Variants in SCNN1B observed in about 807,000 individuals in gnomAD.
The protein encoded by SCNN1B is sodium channel epithelial 1 subunit beta.
A neutral mutation model predicts 65.3 loss-of-function variants in SCNN1B; 46 were observed. The ratio of observed to expected loss-of-function variants is 0.70; its 90% CI spans 0.56 to 0.90. The LOEUF (loss-of-function observed/expected upper bound fraction) is 0.90, where lower values mean the gene tolerates loss of function less well. Ranked by LOEUF, SCNN1B falls within the 40% of genes least tolerant of loss-of-function variation. The probability of loss-of-function intolerance (pLI) is 0.00; values close to 1 mark genes in which losing one functional copy is unlikely to be tolerated. For synonymous variants in SCNN1B, 349 were observed against 330.6 expected, an observed-to-expected ratio of 1.06 and a Z score of -0.60; for missense variants, 751 against 830.5, an observed-to-expected ratio of 0.90 and a Z score of 1.18.
intron 1 of SCNN1B, among the ~76,000 whole-genome samples, chr16:23,321,804 C>T (rs761944698): frequency 1.8e-4 from 28 of 152,168 alleles, no homozygotes; most frequent in Non-Finnish European, 2.9e-4. Flanking sequence ...AAGAGAATCG[C>T]TTGAGTCCAG....
chr16:23,352,748 T>C, intron 2 of SCNN1B, 53 bp from the exon 3 acceptor site: 2 of 1,602,622 alleles, frequency 1.2e-6, no homozygotes, highest in Non-Finnish European at 1.7e-6. Context: ...TTTCATTTGC[T>C]CTGCTTTACA....
chr16:23,301,960 G>C (rs72652270), upstream of SCNN1B, among the ~76,000 whole-genome samples: 223 of 152,316 alleles, frequency 1.5e-3, 1 homozygote, highest in African/African-American at 5.2e-3. Context: ...CTAGGTGAAC[G>C]GGACAGGTAC....
At chr16:23,290,890 C>G (rs182126966) in intron 2 of SCNN1B, among the ~76,000 whole-genome samples, 426 of 152,238 alleles carry the variant, frequency 2.8e-3, no homozygotes, top group African/African-American at 0.01. Context: ...ATTAAGCATA[C>G]AATTGTCTGA....
Position 23,380,305 on chromosome 16 carries a change from C to T in SCNN1B, c.1543-116C>T. On this transcript the variant is annotated intron_variant, in intron 12 of 12. Coordinates refer to ENST00000343070, the MANE Select transcript of SCNN1B (RefSeq NM_000336.3). The surrounding 1 kb of genome is among the most constrained non-coding windows in gnomAD (Gnocchi z 5.4). ...ACAGTCCCAAGTTATTCCCCTGGGCCAAGATGGTCACCCCCTCCCGTTCCC... is the reference window on the plus strand; with the variant it reads ...ACAGTCCCAAGTTATTCCCCTGGGCTAAGATGGTCACCCCCTCCCGTTCCC... 1.3e-6 allele frequency: 2 copies of T among 1,548,364 alleles called. No individual in the cohort carries two copies. The highest frequency in any genetic ancestry group is 2.2e-5 in the South Asian group (2 of 89,288).
intron 1 of SCNN1B, among the ~76,000 whole-genome samples, chr16:23,345,190 C>T (rs9928514): frequency 4.1e-4 from 63 of 152,324 alleles, no homozygotes; most frequent in African/African-American, 1.4e-3. Flanking sequence ...CCTTATACAT[C>T]TGGATATTCT....
intron 1 of SCNN1B, among the ~76,000 whole-genome samples, chr16:23,326,547 C>T (rs1218408979): frequency 6.6e-6 from 1 of 152,112 alleles, no homozygotes; most frequent in East Asian, 1.9e-4. Context: ...TCACTGCAAA[C>T]TCTGCCTCCC....
At chr16:23,289,107 A>T (rs889746270) in intron 2 of SCNN1B, among the ~76,000 whole-genome samples, 1 of 152,210 alleles carries the variant, frequency 6.6e-6, no homozygotes, top group Non-Finnish European at 1.5e-5. Flanking sequence ...CTCCCCATAC[A>T]GGGGTGTTGA....
At chr16:23,330,337 T>C (rs1216728880) in intron 1 of SCNN1B, among the ~76,000 whole-genome samples, 1 of 152,198 alleles carries the variant, frequency 6.6e-6, no homozygotes, top group Non-Finnish European at 1.5e-5. Flanking sequence ...GCAGCTGTTC[T>C]GAGGCTATAG....
upstream of SCNN1B, among the ~76,000 whole-genome samples, chr16:23,300,968 AAAT>A (rs1961068208): frequency 6.6e-6 from 1 of 151,064 alleles, no homozygotes; most frequent in Non-Finnish European, 1.5e-5. Flanking sequence ...TATATAAACA[AAAT>A]AACATATATG....
chr16:23,329,144 C>T (rs950619545), intron 1 of SCNN1B, among the ~76,000 whole-genome samples: 1 of 151,322 alleles, frequency 6.6e-6, no homozygotes, highest in Non-Finnish European at 1.5e-5. Flanking sequence ...CAGGGTCTCG[C>T]TCTGTCCCCC....
intron 1 of SCNN1B, among the ~76,000 whole-genome samples, chr16:23,282,716 G>A (rs889974997): frequency 2.6e-5 from 4 of 152,154 alleles, no homozygotes; most frequent in East Asian, 1.9e-4. Context: ...CCATGGCAAC[G>A]CCTGCCCCCT....
rs1332184900 is a variant in SCNN1B, at chr16:23,380,459, C to T, written c.1581C>T (p.Gly527=). The T allele has an allele frequency of 6.8e-6, 11 of 1,614,126 alleles. No individual in the cohort carries two copies. The highest frequency in any genetic ancestry group is 9.3e-6 in the Non-Finnish European group (11 of 1,180,052). Residue 527 remains glycine (G), a synonymous_variant, in exon 13 of 13, where the codon GGC becomes GGT. Coordinates refer to ENST00000343070, the MANE Select transcript of SCNN1B (RefSeq NM_000336.3). The surrounding 1 kb of genome is among the most constrained non-coding windows in gnomAD (Gnocchi z 5.4). Reference sequence around the variant, plus strand: ...TCTCGAATCTGGGTGGCCAGTTTGGCTTCTGGATGGGGGGCTCTGTGCTGT... The same window carrying T: ...TCTCGAATCTGGGTGGCCAGTTTGGTTTCTGGATGGGGGGCTCTGTGCTGT... The part of the protein sequence containing the change: ...WLLSNLGGQF[G]FWMGGSVLCL...
intron 1 of SCNN1B, among the ~76,000 whole-genome samples, chr16:23,341,805 G>A (rs892240598): frequency 6.6e-6 from 1 of 152,186 alleles, no homozygotes; most frequent in Non-Finnish European, 1.5e-5. Context: ...TAAGGTAGCT[G>A]TAATAACTTT....
Position 23,380,052 on chromosome 16 carries a change from G to C in SCNN1B, c.1467-42G>C. 6.9e-7 allele frequency: 1 copy of C among 1,448,146 alleles called. No homozygotes were observed. Among genetic ancestry groups the C allele is most frequent in the East Asian group, 2.3e-5 (1 of 44,030 alleles). 89.7% of individuals were successfully genotyped at this position (1,448,146 alleles called of 1,614,324 possible). On this transcript the variant is annotated intron_variant, in intron 11 of 12. Transcript: ENST00000343070. This position sits in a 1 kb window ranked among gnomAD's most constrained non-coding sequence, Gnocchi z 5.4. The stretch of plus-strand genomic sequence containing the variant: ...TGTGTGTGTGTCTGTCTGTTTGGAA[G>C]GGGGATACATTAGTCCCGGCCCTTC...
Position 23,367,973 on chromosome 16 carries a change from T to C in SCNN1B, c.880+14T>C. On this transcript the variant is annotated intron_variant, in intron 5 of 12. Coordinates refer to ENST00000343070, the MANE Select transcript of SCNN1B (RefSeq NM_000336.3). The stretch of plus-strand genomic sequence containing the variant: ...GAACTGAATTCGGTGAGTTTTGGTT[T>C]ATCGTGGGGCCAGAGCCATGAGGCT... The C allele has an allele frequency of 6.3e-7, 1 of 1,587,692 alleles. No individual in the cohort carries two copies. Among genetic ancestry groups the C allele is most frequent in the Non-Finnish European group, 8.7e-7 (1 of 1,155,978 alleles).
intron 1 of SCNN1B, among the ~76,000 whole-genome samples, chr16:23,315,875 T>A (rs1454042195): frequency 1.3e-5 from 2 of 152,092 alleles, no homozygotes; most frequent in Admixed American, 1.3e-4. Context: ...ATAATAACCC[T>A]ATCAAGTAGG....
intron 4 of SCNN1B, among the ~76,000 whole-genome samples, chr16:23,356,085 T>C (rs991333066): frequency 3.3e-5 from 5 of 152,200 alleles, no homozygotes; most frequent in Non-Finnish European, 7.3e-5. Context: ...CCAGCCTTTC[T>C]GCGTGCCCCG....
rs921822373 is a variant in SCNN1B at position 23,376,352 on chromosome 16, G to A, written c.1270+497G>A. On this transcript the variant is annotated intron_variant, in intron 8 of 12. Transcript: ENST00000343070. The stretch of plus-strand genomic sequence containing the variant: ...CACTCTGGCTTTTGTGCACGTGTGT[G>A]TGTGTGTGTGTGTGTGTGTGTGCAC... Among the ~76,000 whole-genome samples the A allele has an allele frequency of 8.2e-3, 790 of 96,826 alleles. 7 individuals carry two copies. The highest frequency in any genetic ancestry group is 0.03 in the Middle Eastern group (5 of 166). 63.5% of individuals were successfully genotyped at this position (96,826 alleles called of 152,430 possible). A position where few individuals can be genotyped will look rare whatever the true frequency, so the allele number is the denominator to read the frequency against.
chr16:23,371,194 C>T (rs1315068138), intron 5 of SCNN1B, 105 bp from the exon 6 acceptor site: 5 of 1,311,836 alleles, frequency 3.8e-6, no homozygotes, highest in Non-Finnish European at 5.3e-6. Flanking sequence ...CCTTGGCGGT[C>T]CCTGGAGGTC....
Sources: allele counts gnomAD v4.1 joint callset (sites outside exome capture counted in the v4.1 genomes callset), GRCh38; gene constraint gnomAD v4.1.1; non-coding constraint Gnocchi (gnomAD v3.1); transcripts MANE v1.5; gene names NCBI Gene and HGNC (gene_info 2026-07-23, HGNC 2026-07-21).